LRRC37A2: variants seen among roughly 807,000 people sequenced by gnomAD.
The protein encoded by LRRC37A2 is leucine-rich repeat-containing protein 37A2.
A neutral mutation model predicts 68.8 loss-of-function variants in LRRC37A2; 9 were observed. The observed-to-expected ratio is 0.13, with a 90% CI of 0.08 to 0.23. The LOEUF (loss-of-function observed/expected upper bound fraction) is 0.23. Ranked by LOEUF, LRRC37A2 falls within the 10% of genes least tolerant of loss-of-function variation. The probability of loss-of-function intolerance (pLI) is 1.00; values close to 1 mark genes in which losing one functional copy is unlikely to be tolerated. For missense variants in LRRC37A2, 168 were observed against 950.4 expected, an observed-to-expected ratio of 0.18 and a Z score of 10.82; for synonymous variants, 63 against 367.6, an observed-to-expected ratio of 0.17 and a Z score of 9.48.
chr17:46,957,861 G>A, the LRRC37A2 span, among the ~76,000 whole-genome samples: 2 of 152,178 alleles, frequency 1.3e-5, no homozygotes, highest in South Asian at 4.1e-4. Flanking sequence ...GGAGGAGGAT[G>A]AGCACTCAGG....
chr17:46,838,755 C>A, the LRRC37A2 span, among the ~76,000 whole-genome samples: 1 of 152,154 alleles, frequency 6.6e-6, no homozygotes, highest in East Asian at 1.9e-4. Flanking sequence ...AGCCTTCAAG[C>A]AGATGCAGTC....
chr17:46,811,614 C>A, the LRRC37A2 span, among the ~76,000 whole-genome samples: 1 of 152,142 alleles, frequency 6.6e-6, no homozygotes, highest in African/African-American at 2.4e-5. Flanking sequence ...CAGGCAGCAG[C>A]AGGACAGGGT....
the LRRC37A2 span, among the ~76,000 whole-genome samples, chr17:46,741,819 T>G: frequency 6.6e-6 from 1 of 152,302 alleles, no homozygotes. Flanking sequence ...CAGGCTGGAG[T>G]GCAGTGGCGC....
chr17:47,033,682 CAT>C, the LRRC37A2 span, among the ~76,000 whole-genome samples: 20 of 152,136 alleles, frequency 1.3e-4, no homozygotes, highest in Non-Finnish European at 2.1e-4. Context: ...AGAAAGGAAA[CAT>C]AGCCCATCTA....
the LRRC37A2 span, among the ~76,000 whole-genome samples, chr17:46,958,143 G>A: frequency 1.3e-5 from 2 of 152,190 alleles, no homozygotes; most frequent in African/African-American, 2.4e-5. Flanking sequence ...GCAGCAACTG[G>A]CCAGGGGGCC....
At chr17:46,798,032 G>A in the LRRC37A2 span, among the ~76,000 whole-genome samples, 1 of 152,130 alleles carries the variant, frequency 6.6e-6, no homozygotes, top group African/African-American at 2.4e-5. Flanking sequence ...GGATTCAAGC[G>A]ATTCTCCTGC....
At chr17:46,493,364 T>C in the LRRC37A2 span, among the ~76,000 whole-genome samples, 2 of 125,998 alleles carry the variant, frequency 1.6e-5, no homozygotes, top group East Asian at 4.5e-4. Flanking sequence ...GGTTTTGATA[T>C]GTTGCCCAGA....
At chr17:47,003,883 A>G in the LRRC37A2 span, among the ~76,000 whole-genome samples, 2 of 151,742 alleles carry the variant, frequency 1.3e-5, no homozygotes, top group Non-Finnish European at 2.9e-5. Flanking sequence ...CCTCCACCCC[A>G]CAACAGGCCC....
At chr17:46,866,323 A>G in the LRRC37A2 span, among the ~76,000 whole-genome samples, 1 of 152,084 alleles carries the variant, frequency 6.6e-6, no homozygotes, top group Admixed American at 6.5e-5. Context: ...TTGGGAGCGG[A>G]GAGCACAGGA....
the LRRC37A2 span, among the ~76,000 whole-genome samples, chr17:46,409,323 G>T: frequency 2.1e-5 from 3 of 144,494 alleles, no homozygotes; most frequent in African/African-American, 7.7e-5. Context: ...TTAAGACAGG[G>T]TCTCGTTCTG....
chr17:46,755,162 T>C, the LRRC37A2 span: 4 of 638,068 alleles, frequency 6.3e-6, no homozygotes, highest in Non-Finnish European at 1.1e-5. Flanking sequence ...CTTTGTTTTG[T>C]GTGAGAATGC....
At chr17:46,809,044 G>C in the LRRC37A2 span, among the ~76,000 whole-genome samples, 406 of 152,326 alleles carry the variant, frequency 2.7e-3, 4 homozygotes, top group African/African-American at 9.4e-3. Flanking sequence ...TTTAAAGTCA[G>C]AGAGAGGAGG....
the LRRC37A2 span, among the ~76,000 whole-genome samples, chr17:46,870,323 C>T: frequency 2.6e-5 from 4 of 152,222 alleles, no homozygotes; most frequent in African/African-American, 9.6e-5. Flanking sequence ...CCAGTCAAGG[C>T]GTGGCCTCCT....
At chr17:46,801,568 T>A in the LRRC37A2 span, among the ~76,000 whole-genome samples, 4 of 123,620 alleles carry the variant, frequency 3.2e-5, no homozygotes, top group Non-Finnish European at 1.8e-5. Flanking sequence ...TGCAGTGAGC[T>A]GTGATTGCGC....
chr17:46,929,387 A>C, the LRRC37A2 span: 1 of 702,162 alleles, frequency 1.4e-6, no homozygotes, highest in Non-Finnish European at 2.6e-6. Flanking sequence ...AAAGTGCCAC[A>C]TACAAATTTT....
At chr17:46,776,026 C>A in the LRRC37A2 span, among the ~76,000 whole-genome samples, 1 of 152,220 alleles carries the variant, frequency 6.6e-6, no homozygotes, top group Non-Finnish European at 1.5e-5. Flanking sequence ...ATAGCCCCAG[C>A]ACAAAGTAGG....
chr17:46,851,636 A>G, the LRRC37A2 span: 2 of 1,273,176 alleles, frequency 1.6e-6, no homozygotes, highest in Non-Finnish European at 2.0e-6. This position sits in a 1 kb window ranked among gnomAD's most constrained non-coding sequence, Gnocchi z 4.3. Flanking sequence ...CGCCGCCAGC[A>G]CCATGCGCCC....
At chr17:46,637,016 G>A in the LRRC37A2 span, among the ~76,000 whole-genome samples, 1 of 151,484 alleles carries the variant, frequency 6.6e-6, no homozygotes, top group East Asian at 1.9e-4. Flanking sequence ...CACCACGCCC[G>A]GCTAATTTTT....
chr17:46,494,673 C>T, the LRRC37A2 span, among the ~76,000 whole-genome samples: 1 of 151,516 alleles, frequency 6.6e-6, no homozygotes, highest in African/African-American at 2.4e-5. Context: ...GGTCGTTGTT[C>T]CACACCTTCT....
Sources: allele counts gnomAD v4.1 joint callset (sites outside exome capture counted in the v4.1 genomes callset), GRCh38; gene constraint gnomAD v4.1.1; non-coding constraint Gnocchi (gnomAD v3.1); transcripts MANE v1.5; gene names NCBI Gene and HGNC (gene_info 2026-07-23, HGNC 2026-07-21).